ADAMTSL3: variants seen among roughly 807,000 people sequenced by gnomAD.
ADAMTSL3 encodes ADAMTS like 3.
Under a neutral mutation model 201.7 loss-of-function variants are expected in ADAMTSL3, and 128 were observed. That is an observed-to-expected ratio of 0.63 (90% confidence interval 0.55 to 0.73). ADAMTSL3 has a LOEUF of 0.73. Among genes scored for constraint, ADAMTSL3 ranks in the 30% least tolerant of loss-of-function variants. ADAMTSL3 has a pLI of 0.00. For missense variants in ADAMTSL3, 1,990 were observed against 2,119.6 expected (o/e 0.94, Z 1.20); for synonymous variants, 738 against 748.4 (o/e 0.99, Z 0.23).
At chr15:83,919,799 G>A (rs548758663) in intron 16 of ADAMTSL3, among the ~76,000 whole-genome samples, 1 of 152,196 alleles carries the variant, frequency 6.6e-6, no homozygotes, top group South Asian at 2.1e-4. Context: ...GATTGAAGGG[G>A]GTGAAACTCC....
At chr15:83,893,723 A>G (rs574390189) in intron 13 of ADAMTSL3, among the ~76,000 whole-genome samples, 2 of 152,358 alleles carry the variant, frequency 1.3e-5, no homozygotes, top group South Asian at 2.1e-4. Context: ...AACAAGGTTC[A>G]TGTCAAATTA....
intron 3 of ADAMTSL3, among the ~76,000 whole-genome samples, chr15:83,730,669 A>G (rs1047803453): frequency 4.0e-5 from 6 of 151,888 alleles, no homozygotes; most frequent in Non-Finnish European, 7.4e-5. Flanking sequence ...TATATTTTGG[A>G]TATTAATCCT....
intron 3 of ADAMTSL3, chr15:83,717,310 C>A (rs1381253436): frequency 6.6e-6 from 1 of 152,170 alleles, no homozygotes; most frequent in Admixed American, 6.5e-5. Flanking sequence ...AGAAGAGGAG[C>A]TTTTTCTTTT....
At chr15:83,892,598 C>T (rs1041102543) in intron 12 of ADAMTSL3, 86 bp from the exon 13 acceptor site, 3 of 1,349,496 alleles carry the variant, frequency 2.2e-6, no homozygotes, top group Middle Eastern at 2.3e-4. Context: ...CAATTGATAC[C>T]TTAAGGCCAT....
chr15:83,714,795 C>CTTTCTTTTTCTT lies in ADAMTSL3; in HGVS notation c.189+10288_189+10289insTTCTTTTTCTTT, dbSNP rs1391950676. ...TCTTTCTTTCTTTCTTTTTCTTTCTCTCTCTTTCTTTCTTCTTTCTTTCTT... is the reference window on the plus strand; with the variant it reads ...TCTTTCTTTCTTTCTTTTTCTTTCTCTTTCTTTTTCTTTCTCTTTCTTTCTTCTTTCTTTCTT... On this transcript the variant is annotated intron_variant, in intron 3 of 29. Coordinates refer to ENST00000286744, the MANE Select transcript of ADAMTSL3 (RefSeq NM_207517.3). 9.1e-3 allele frequency among the ~76,000 whole-genome samples: 926 copies of CTTTCTTTTTCTT among 102,112 alleles called. 62 individuals are homozygous for CTTTCTTTTTCTT. The highest frequency in any genetic ancestry group is 0.033 in the East Asian group (131 of 3,942). 67.0% of individuals were successfully genotyped at this position (102,112 alleles called of 152,430 possible). A position where few individuals can be genotyped will look rare whatever the true frequency, so the allele number is the denominator to read the frequency against.
intron 7 of ADAMTSL3, among the ~76,000 whole-genome samples, chr15:83,855,406 TG>T (rs1292995430): frequency 6.6e-6 from 1 of 152,176 alleles, no homozygotes; most frequent in African/African-American, 2.4e-5. Flanking sequence ...AAATGCCTCC[TG>T]GGGAAAAGCT....
chr15:83,837,036 T>G (rs1371873190), intron 6 of ADAMTSL3, among the ~76,000 whole-genome samples: 1 of 152,170 alleles, frequency 6.6e-6, no homozygotes, highest in Non-Finnish European at 1.5e-5. Flanking sequence ...TGACCTTTTT[T>G]CTCATATAAG....
intron 9 of ADAMTSL3, among the ~76,000 whole-genome samples, chr15:83,878,883 C>A (rs2065225182): frequency 6.6e-6 from 1 of 151,742 alleles, no homozygotes; most frequent in African/African-American, 2.4e-5. Flanking sequence ...ACGTTTGATG[C>A]CTTTTTTTTT....
Position 84,038,952 on chromosome 15 carries a change from G to A in ADAMTSL3, c.*1146G>A, listed in dbSNP as rs998499246. The A allele has an allele frequency of 1.3e-5, 2 of 152,444 alleles. No individual in the cohort carries two copies. Among genetic ancestry groups the A allele is most frequent in the East Asian group, 3.9e-4 (2 of 5,190 alleles). 9.4% of individuals were successfully genotyped at this position (152,444 alleles called of 1,614,324 possible). ...CTTTAAGGGTTAGGGTTAGGACCAG[G>A]TTAGGTCAGGGTTGGATTGGGTTTA... On this transcript the variant is annotated 3_prime_UTR_variant, in exon 30 of 30. Transcript: ENST00000286744.
In ADAMTSL3 at chr15:83,982,437, C is replaced by T. The variant is rs370313572; in HGVS notation, c.2809C>T (p.Arg937Ter). 1.2e-6 allele frequency: 2 copies of T among 1,613,952 alleles called. No individual in the cohort carries two copies. Residue 937 changes from arginine (R) to a stop codon, truncating the protein, a stop_gained, in exon 21 of 30, where the codon CGA becomes TGA. Coordinates refer to ENST00000286744, the MANE Select transcript of ADAMTSL3 (RefSeq NM_207517.3). LOFTEE classifies it high-confidence loss of function. Reference sequence around the variant, plus strand: ...ATCCGTGATTATTAAGTGCCCCGTGCGACGATTCCAGAAATCTCTGATCCA... The same window carrying T: ...ATCCGTGATTATTAAGTGCCCCGTGTGACGATTCCAGAAATCTCTGATCCA... ...NTSVIIKCPV[R>*]RFQKSLIQWE...
intron 28 of ADAMTSL3, among the ~76,000 whole-genome samples, chr15:84,034,432 G>A (rs2068466554): frequency 6.6e-6 from 1 of 152,174 alleles, no homozygotes; most frequent in South Asian, 2.1e-4. Context: ...GCCCTGGGAA[G>A]GTTTTGGGAG....
intron 4 of ADAMTSL3, among the ~76,000 whole-genome samples, chr15:83,797,725 T>C (rs890285397): frequency 1.3e-5 from 2 of 152,192 alleles, no homozygotes; most frequent in Non-Finnish European, 2.9e-5. Flanking sequence ...GCACTGGTAA[T>C]GAGGGTGAAA....
At chr15:83,776,674 G>A (rs531905533) in intron 4 of ADAMTSL3, among the ~76,000 whole-genome samples, 13 of 152,046 alleles carry the variant, frequency 8.6e-5, no homozygotes, top group Admixed American at 2.0e-4. Context: ...CTGAGATTGC[G>A]CCATTGCACT....
intron 2 of ADAMTSL3, among the ~76,000 whole-genome samples, chr15:83,688,670 A>G (rs1057429431): frequency 3.3e-5 from 5 of 151,892 alleles, no homozygotes; most frequent in African/African-American, 1.2e-4. Context: ...TTATCTATTG[A>G]GCTGAAGAAT....
chr15:83,774,241 C>A (rs1399723832), intron 4 of ADAMTSL3, among the ~76,000 whole-genome samples: 1 of 152,130 alleles, frequency 6.6e-6, no homozygotes, highest in Non-Finnish European at 1.5e-5. Context: ...AGAGAGAGCC[C>A]CAGATTGATG....
chr15:83,696,035 AG>A (rs900085892), intron 2 of ADAMTSL3, among the ~76,000 whole-genome samples: 10 of 152,174 alleles, frequency 6.6e-5, no homozygotes, highest in African/African-American at 1.9e-4. Flanking sequence ...CATCCAGGCC[AG>A]GGGGAATAGC....
intron 11 of ADAMTSL3, 89 bp from the exon 12 acceptor site, chr15:83,891,240 C>A: frequency 8.6e-7 from 1 of 1,167,984 alleles, no homozygotes; most frequent in Non-Finnish European, 1.3e-6. Context: ...AGAGCTCTGT[C>A]TCTTGGGATG....
chr15:83,941,811 A>T (rs2066565730), intron 17 of ADAMTSL3, among the ~76,000 whole-genome samples: 1 of 152,218 alleles, frequency 6.6e-6, no homozygotes, highest in Non-Finnish European at 1.5e-5. Context: ...TGGTTTCCTC[A>T]TGATGTATCT....
intron 3 of ADAMTSL3, among the ~76,000 whole-genome samples, chr15:83,711,618 AAG>A (rs1269192226): frequency 6.6e-6 from 1 of 152,252 alleles, no homozygotes; most frequent in African/African-American, 2.4e-5. Flanking sequence ...CTGTTAAGAG[AAG>A]ACAAGAACAA....
Sources: allele counts gnomAD v4.1 joint callset (sites outside exome capture counted in the v4.1 genomes callset), GRCh38; gene constraint gnomAD v4.1.1; transcripts MANE v1.5; gene names NCBI Gene and HGNC (gene_info 2026-07-23, HGNC 2026-07-21).